GARS1: variants seen among roughly 807,000 people sequenced by gnomAD.
The protein encoded by GARS1 is glycyl-tRNA synthetase 1, also known as glycine--tRNA ligase.
A neutral mutation model predicts 86.4 loss-of-function variants in GARS1; 46 were observed. That is an observed-to-expected ratio of 0.53 (90% CI 0.42 to 0.68). GARS1 has a LOEUF of 0.68. Among genes scored for constraint, GARS1 ranks in the 30% least tolerant of loss-of-function variants. The pLI is 0.00. For missense variants in GARS1, 797 were observed against 915.6 expected (o/e 0.87, Z 1.67); for synonymous variants, 342 against 329.8 (o/e 1.04, Z -0.40).
chr7:30,627,188 A>G (rs1372720979), intron 13 of GARS1: 1 of 400,394 alleles, frequency 2.5e-6, no homozygotes, highest in East Asian at 7.9e-5. Flanking sequence ...GCCAGTGGAA[A>G]GAGTGAGCAT....
chr7:30,610,638 G>C (rs1372918251), intron 7 of GARS1, among the ~76,000 whole-genome samples: 5 of 152,196 alleles, frequency 3.3e-5, no homozygotes, highest in African/African-American at 4.8e-5. Context: ...CATATGTACA[G>C]AGTCATAAAA....
At chr7:30,601,030 A>G in intron 3 of GARS1, 29 bp from the exon 4 acceptor site, 1 of 1,611,232 alleles carries the variant, frequency 6.2e-7, no homozygotes. Context: ...AACAAGGTAA[A>G]GTATGTGTTT....
chr7:30,623,199 C>T (rs189497543), intron 12 of GARS1, among the ~76,000 whole-genome samples: 118 of 147,926 alleles, frequency 8.0e-4, no homozygotes, highest in Non-Finnish European at 1.1e-3. Context: ...ATCCAGCAAA[C>T]AATAAAAATT....
At chr7:30,616,280 A>G (rs759812521) in intron 9 of GARS1, among the ~76,000 whole-genome samples, 12 of 152,210 alleles carry the variant, frequency 7.9e-5, no homozygotes, top group Admixed American at 2.0e-4. Flanking sequence ...CATGAAAAAA[A>G]ATGTTTAGCA....
chr7:30,617,027 A>C (rs751574589), intron 9 of GARS1, 87 bp from the exon 10 acceptor site: 71 of 1,311,468 alleles, frequency 5.4e-5, no homozygotes, highest in Non-Finnish European at 7.2e-5. Context: ...CAGTAGAGTG[A>C]GTCAATGGAA....
intron 8 of GARS1, among the ~76,000 whole-genome samples, chr7:30,613,312 TA>T (rs753885396): frequency 5.9e-5 from 9 of 152,256 alleles, no homozygotes; most frequent in Non-Finnish European, 1.3e-4. Context: ...AGCTTTCATG[TA>T]AAAAGAGGAG....
chr7:30,607,713 G>T (rs1169595624), intron 6 of GARS1, among the ~76,000 whole-genome samples: 1 of 152,054 alleles, frequency 6.6e-6, no homozygotes, highest in Non-Finnish European at 1.5e-5. Flanking sequence ...GTTAAAATTT[G>T]TTTTATAATC....
chr7:30,615,381 G>C (rs1223041497), intron 8 of GARS1, among the ~76,000 whole-genome samples: 1 of 152,152 alleles, frequency 6.6e-6, no homozygotes, highest in Non-Finnish European at 1.5e-5. Flanking sequence ...TACTTATAAA[G>C]ACTTGCTAAT....
At chr7:30,612,285 T>G in intron 8 of GARS1, 40 bp downstream of exon 8, 1 of 1,579,510 alleles carries the variant, frequency 6.3e-7, no homozygotes, top group Non-Finnish European at 8.7e-7. Context: ...TGAATGACCT[T>G]GGCATTGCAT....
chr7:30,608,898 A>G (rs1791535622), intron 6 of GARS1, among the ~76,000 whole-genome samples: 1 of 152,144 alleles, frequency 6.6e-6, no homozygotes, highest in South Asian at 2.1e-4. Context: ...TAATTGATTT[A>G]CTGAATTATT....
intron 1 of GARS1, 111 bp downstream of exon 1, chr7:30,595,254 T>A: frequency 1.9e-6 from 2 of 1,060,588 alleles, no homozygotes; most frequent in Non-Finnish European, 2.8e-6. Flanking sequence ...GTTACCCCTT[T>A]CTTTCCCTTC....
At chr7:30,594,774 CG>C, upstream of GARS1, 1 of 660,570 alleles carries the variant, frequency 1.5e-6, no homozygotes, top group Non-Finnish European at 2.5e-6. Context: ...GAATCTGCGG[CG>C]GCGACCCGGC....
intron 1 of GARS1, 37 bp downstream of exon 1, chr7:30,595,180 T>C: frequency 6.6e-7 from 1 of 1,513,476 alleles, no homozygotes; most frequent in Non-Finnish European, 8.9e-7. Flanking sequence ...AGCCTCCGGC[T>C]CTCCTCCCAG....
At chr7:30,595,905 G>A (rs79870814) in intron 1 of GARS1, 1 of 471,000 alleles carries the variant, frequency 2.1e-6, no homozygotes, top group Non-Finnish European at 4.4e-6. Context: ...CCTTAGTATG[G>A]AATATTTTGA....
chr7:30,615,748 G>A, intron 8 of GARS1, 148 bp from the exon 9 acceptor site: 1 of 878,526 alleles, frequency 1.1e-6, no homozygotes. Context: ...CATTCCCTTA[G>A]GAAACCAACT....
intron 13 of GARS1, among the ~76,000 whole-genome samples, chr7:30,627,961 T>C (rs1241840423): frequency 6.6e-6 from 1 of 152,226 alleles, no homozygotes; most frequent in East Asian, 1.9e-4. Context: ...CTATTCGTAG[T>C]TTGCTGACTG....
chr7:30,594,990 G>A lies in GARS1; in HGVS notation c.69G>A (p.Arg23=), dbSNP rs762624758. 26 of 1,593,132 alleles carry A rather than the reference G, an allele frequency of 1.6e-5. No homozygotes were observed. In the Middle Eastern group the frequency reaches 5.3e-4, roughly 33 times the overall value. ...RAALLLLLPP[R]LLARPSLLLR... Reference sequence around the variant, plus strand: ...CTCTGCTGCTGCTGCTGCCGCCCCGGCTCTTAGCCCGACCCTCGCTCCTGC... The same window carrying A: ...CTCTGCTGCTGCTGCTGCCGCCCCGACTCTTAGCCCGACCCTCGCTCCTGC... The change falls in exon 1 of 17, where the codon CGG becomes CGA. Residue 23 remains arginine (R), a synonymous_variant. Transcript: ENST00000389266.
At chr7:30,605,460 T>C (rs1791461386) in intron 6 of GARS1, among the ~76,000 whole-genome samples, 1 of 152,244 alleles carries the variant, frequency 6.6e-6, no homozygotes, top group Non-Finnish European at 1.5e-5. Context: ...CCTGCTTCAC[T>C]GTTAGATTTT....
intron 10 of GARS1, among the ~76,000 whole-genome samples, chr7:30,618,542 G>GA (rs1782933693): frequency 1.3e-5 from 2 of 152,134 alleles, no homozygotes. Flanking sequence ...GCTGAGGTGG[G>GA]AAGATCACAT....
Sources: gnomAD v4.1 joint callset for allele counts (sites outside exome capture counted in the v4.1 genomes callset) on GRCh38, gnomAD v4.1.1 for gene constraint, MANE v1.5 for transcripts, NCBI Gene and HGNC (gene_info 2026-07-23, HGNC 2026-07-21) for gene names.